Variants in FGF13 observed in about 807,000 individuals in gnomAD.
FGF13 encodes the protein fibroblast growth factor homologous factor 2.
A neutral mutation model predicts 19.5 loss-of-function variants in FGF13; 2 were observed. The ratio of observed to expected loss-of-function variants is 0.10; its 90% CI spans 0.04 to 0.32. FGF13 has a LOEUF of 0.32. FGF13 is among the 10% of genes least tolerant of loss of function. The probability of loss-of-function intolerance (pLI) is 1.00; values close to 1 mark genes in which losing one functional copy is unlikely to be tolerated. For missense variants in FGF13, 113 were observed against 192.7 expected (o/e 0.59, Z 2.45); for synonymous variants, 72 against 76.9 (o/e 0.94, Z 0.33).
intron 1 of FGF13, among the ~76,000 whole-genome samples, chrX:138,983,360 G>T (rs1364820692): frequency 3.0e-5 from 1 of 32,969 alleles, no homozygotes; most frequent in Non-Finnish European, 8.6e-5. Context: ...CATAGAAGAG[G>T]CTATTCTTTC....
rs142381620 is a variant in FGF13, at chrX:139,054,727, G to A, written c.-113+148689C>T. The stretch of plus-strand genomic sequence containing the variant: ...ATGAGAATGGGATGTGTTTCCATTT[G>A]TTTGTGTTGTCTATGATTTCTTTCA... On this transcript the variant is annotated intron_variant, in intron 1 of 2. Transcript: ENST00000421460. Among the ~76,000 whole-genome samples, 235 of 111,809 alleles carry A rather than the reference G, an allele frequency of 2.1e-3. 3 individuals carry two copies. In the East Asian group the frequency reaches 0.064, roughly 31 times the overall value.
intron 1 of FGF13, 88 bp downstream of exon 1, chrX:138,710,729 C>A: frequency 8.7e-7 from 1 of 1,153,260 alleles, no homozygotes; most frequent in Non-Finnish European, 1.2e-6. Context: ...GGGCCACCAA[C>A]AAACTCACCT....
chrX:138,676,967 A>G (rs2089674516), intron 3 of FGF13, among the ~76,000 whole-genome samples: 1 of 112,449 alleles, frequency 8.9e-6, no homozygotes, highest in Admixed American at 9.4e-5. Context: ...AGGAATTCAC[A>G]TTGCTACAGA....
intron 1 of FGF13, among the ~76,000 whole-genome samples, chrX:139,002,031 T>A (rs1478040727): frequency 4.5e-5 from 5 of 111,552 alleles, no homozygotes; most frequent in Admixed American, 2.9e-4. Flanking sequence ...TGAGTTCATG[T>A]CCTTTGCAGG....
At chrX:138,958,104 A>T (rs1431598150) in intron 1 of FGF13, among the ~76,000 whole-genome samples, 1 of 111,866 alleles carries the variant, frequency 8.9e-6, no homozygotes, top group African/African-American at 3.2e-5. Context: ...GCCTTGTGCC[A>T]GTTTTCAAAG....
chrX:138,839,425 G>A (rs1249991671), intron 3 of FGF13, among the ~76,000 whole-genome samples: 9 of 111,688 alleles, frequency 8.1e-5, no homozygotes, highest in Non-Finnish European at 1.7e-4. Context: ...TGACAGTTTC[G>A]GGAATAGATC....
At chrX:138,978,094 C>T (rs966253871) in intron 1 of FGF13, among the ~76,000 whole-genome samples, 2 of 110,664 alleles carry the variant, frequency 1.8e-5, no homozygotes, top group African/African-American at 6.6e-5. Context: ...GTAGAAAGCT[C>T]CAGTGGACAG....
In FGF13 at chrX:138,758,340, T is replaced by C. The variant is rs184167116; in HGVS notation, c.218-49412A>G. Among the ~76,000 whole-genome samples, 9 of 111,833 alleles carry C rather than the reference T, an allele frequency of 8.0e-5. No individual in the cohort carries two copies. In the East Asian group the frequency reaches 2.3e-3, roughly 28 times the overall value. On this transcript the variant is annotated intron_variant, in intron 3 of 6. Transcript: ENST00000436198. Reference sequence around the variant, plus strand: ...GCACCCAGGTTTTAGTCCCAGAATGTTACCTTCTCAAAGCAAGGACCGTAC... The same window carrying C: ...GCACCCAGGTTTTAGTCCCAGAATGCTACCTTCTCAAAGCAAGGACCGTAC...
At chrX:139,160,326 G>A (rs1416136977) in intron 1 of FGF13, among the ~76,000 whole-genome samples, 1 of 112,159 alleles carries the variant, frequency 8.9e-6, no homozygotes, top group African/African-American at 3.2e-5. Flanking sequence ...CAATCTGTAG[G>A]ACACAGCTAA....
chrX:138,919,452 G>A (rs890147730), intron 1 of FGF13, among the ~76,000 whole-genome samples: 5 of 111,391 alleles, frequency 4.5e-5, no homozygotes, highest in African/African-American at 1.3e-4. Context: ...CTTATCATAC[G>A]ACTCAACAAC....
At chrX:139,162,858 G>C (rs1298740692) in intron 1 of FGF13, among the ~76,000 whole-genome samples, 1 of 112,361 alleles carries the variant, frequency 8.9e-6, no homozygotes, top group Non-Finnish European at 1.9e-5. Flanking sequence ...TCTCATGCCA[G>C]TTAGAATGGC....
intron 1 of FGF13, among the ~76,000 whole-genome samples, chrX:139,049,078 T>C (rs1275700199): frequency 9.0e-6 from 1 of 111,448 alleles, no homozygotes; most frequent in South Asian, 3.8e-4. Context: ...AGAGTTGGCA[T>C]TATTTTCTTA....
chrX:139,099,480 G>A (rs1161696850), intron 1 of FGF13, among the ~76,000 whole-genome samples: 4 of 109,416 alleles, frequency 3.7e-5, no homozygotes, highest in Admixed American at 9.7e-5. Context: ...ACTGACAAAC[G>A]TAGGTAGGAT....
chrX:138,775,117 G>A (rs1202136933), intron 3 of FGF13, among the ~76,000 whole-genome samples: 1 of 111,747 alleles, frequency 8.9e-6, no homozygotes, highest in Non-Finnish European at 1.9e-5. Flanking sequence ...GCGCCATCAC[G>A]CTGGCTTATT....
intron 1 of FGF13, among the ~76,000 whole-genome samples, chrX:138,897,420 A>C (rs1053990778): frequency 9.0e-6 from 1 of 110,923 alleles, no homozygotes; most frequent in African/African-American, 3.3e-5. Context: ...GTGAATATGG[A>C]TCTCAGTCTT....
intron 1 of FGF13, among the ~76,000 whole-genome samples, chrX:138,901,366 C>T (rs2091530970): frequency 9.0e-6 from 1 of 111,546 alleles, no homozygotes; most frequent in Non-Finnish European, 1.9e-5. Flanking sequence ...CTGTCACAGA[C>T]CCTAAGCCCA....
At chrX:138,796,500 T>A (rs1204674500) in intron 3 of FGF13, among the ~76,000 whole-genome samples, 1 of 112,110 alleles carries the variant, frequency 8.9e-6, no homozygotes, top group East Asian at 2.8e-4. Context: ...GTTCCAAGTC[T>A]TTGCTATTGT....
intron 3 of FGF13, among the ~76,000 whole-genome samples, chrX:138,766,155 G>A (rs761994282): frequency 2.7e-5 from 3 of 112,382 alleles, no homozygotes; most frequent in African/African-American, 9.7e-5. Flanking sequence ...ATTTTTTAAA[G>A]TGTAAATTGA....
At chrX:139,137,820 C>T (rs1603217115) in intron 1 of FGF13, among the ~76,000 whole-genome samples, 1 of 112,019 alleles carries the variant, frequency 8.9e-6, no homozygotes, top group East Asian at 2.8e-4. Flanking sequence ...TTTAGATCAC[C>T]GTGAAGCAAT....
Sources: gnomAD v4.1 joint callset for allele counts (sites outside exome capture counted in the v4.1 genomes callset) on GRCh38, gnomAD v4.1.1 for gene constraint, MANE v1.5 for transcripts, NCBI Gene and HGNC (gene_info 2026-07-23, HGNC 2026-07-21) for gene names.